AAK1: variants seen among roughly 807,000 people sequenced by gnomAD.
AAK1 encodes the protein AP2 associated kinase 1, also known as AP2-associated protein kinase 1.
AAK1 carries 37 observed loss-of-function variants against 116.0 expected under a neutral mutation model. The ratio of observed to expected loss-of-function variants is 0.32; its 90% CI spans 0.25 to 0.42. AAK1 has a LOEUF of 0.42. AAK1 is among the 10% of genes least tolerant of loss of function. AAK1 has a pLI of 1.00. For missense variants in AAK1, 919 were observed against 1,170.6 expected (o/e 0.79, Z 3.14); for synonymous variants, 458 against 439.9 (o/e 1.04, Z -0.51).
At chr2:69,606,705 A>AT (rs1673812898) in intron 2 of AAK1, among the ~76,000 whole-genome samples, 1 of 152,180 alleles carries the variant, frequency 6.6e-6, no homozygotes, top group South Asian at 2.1e-4. Flanking sequence ...ACTGACACAA[A>AT]TATCTGCCCT....
In AAK1 at chr2:69,643,083, AG is replaced by A; in HGVS notation, c.-44del. ...GCAAAGCAAAATACCGATGGTTTCTAGATTTTTTTTTTTTTTTTTTTTTTTT... is the reference window on the plus strand; with the variant it reads ...GCAAAGCAAAATACCGATGGTTTCTAATTTTTTTTTTTTTTTTTTTTTTTT... On this transcript the variant is annotated 5_prime_UTR_variant, in exon 2 of 22. Transcript: ENST00000409085. 2 of 1,258,450 alleles carry A rather than the reference AG, an allele frequency of 1.6e-6. No individual in the cohort carries two copies. The highest frequency in any genetic ancestry group is 3.1e-5 in the East Asian group (1 of 32,268). 78.0% of individuals were successfully genotyped at this position (1,258,450 alleles called of 1,614,324 possible).
intron 2 of AAK1, among the ~76,000 whole-genome samples, chr2:69,635,563 G>A (rs1255032722): frequency 6.6e-6 from 1 of 152,188 alleles, no homozygotes; most frequent in African/African-American, 2.4e-5. Flanking sequence ...ACTGATGAAT[G>A]ATACATGTGG....
At chr2:69,616,766 T>A (rs932624521) in intron 2 of AAK1, among the ~76,000 whole-genome samples, 1 of 152,224 alleles carries the variant, frequency 6.6e-6, no homozygotes, top group African/African-American at 2.4e-5. Flanking sequence ...AAAAGGGCTC[T>A]CTAGCAATTA....
At position 69,472,361 on chromosome 2, in the gene AAK1, A is replaced by G. The variant is rs983208749; in HGVS notation, c.*3508T>C. Reference sequence around the variant, plus strand: ...GCTTTCTCAAAGTGATACTAATTAAATAATATAGCTGATTTTCTTATACCT... The same window carrying G: ...GCTTTCTCAAAGTGATACTAATTAAGTAATATAGCTGATTTTCTTATACCT... On this transcript the variant is annotated 3_prime_UTR_variant, in exon 22 of 22. Transcript: ENST00000409085. 8.8e-6 allele frequency: 2 copies of G among 226,316 alleles called. No homozygotes were observed. 14.0% of individuals were successfully genotyped at this position (226,316 alleles called of 1,614,324 possible).
intron 2 of AAK1, among the ~76,000 whole-genome samples, chr2:69,621,270 G>A (rs1674610146): frequency 6.6e-6 from 1 of 152,210 alleles, no homozygotes; most frequent in Non-Finnish European, 1.5e-5. Context: ...GAGGTCGGGA[G>A]TTCGAGACCA....
intron 2 of AAK1, among the ~76,000 whole-genome samples, chr2:69,558,372 G>A (rs1671483232): frequency 2.0e-5 from 3 of 151,664 alleles, no homozygotes; most frequent in East Asian, 3.9e-4. Context: ...TAACTCTACA[G>A]GAATTCTCAA....
intron 5 of AAK1, among the ~76,000 whole-genome samples, chr2:69,533,841 C>A (rs909776359): frequency 1.3e-5 from 2 of 152,176 alleles, no homozygotes; most frequent in Non-Finnish European, 2.9e-5. Flanking sequence ...ATGAACAATT[C>A]TTAAGCATAG....
intron 2 of AAK1, among the ~76,000 whole-genome samples, chr2:69,566,547 A>G (rs1671878604): frequency 1.3e-5 from 2 of 152,182 alleles, no homozygotes; most frequent in African/African-American, 4.8e-5. Context: ...GAGGTGGTAC[A>G]GAAACATCAA....
chr2:69,551,599 G>A (rs1269760254), intron 3 of AAK1, among the ~76,000 whole-genome samples: 1 of 152,228 alleles, frequency 6.6e-6, no homozygotes, highest in South Asian at 2.1e-4. Context: ...CAATGAGGAT[G>A]TAATCCATCT....
intron 15 of AAK1, among the ~76,000 whole-genome samples, chr2:69,506,567 G>A (rs1430682025): frequency 6.6e-6 from 1 of 152,120 alleles, no homozygotes; most frequent in Non-Finnish European, 1.5e-5. Flanking sequence ...ATCTTGGCAT[G>A]TTGCCCAGGC....
intron 2 of AAK1, among the ~76,000 whole-genome samples, chr2:69,615,405 C>T (rs190405633): frequency 6.6e-6 from 1 of 152,256 alleles, no homozygotes; most frequent in East Asian, 1.9e-4. Context: ...ATGGAAATAC[C>T]ATTCCCATCT....
Position 69,473,492 on chromosome 2 carries a change from C to A in AAK1, c.*2377G>T, listed in dbSNP as rs912870338. On this transcript the variant is annotated 3_prime_UTR_variant, in exon 22 of 22. Coordinates refer to ENST00000409085, the MANE Select transcript of AAK1 (RefSeq NM_014911.5). ...GGCCTTACTCTAAATAAGCCCAAGA[C>A]AATTTCTTGTCATTATCTCCCTTAG... is the stretch of plus-strand genomic sequence containing the variant. 9.1e-6 allele frequency: 9 copies of A among 985,314 alleles called. No individual in the cohort carries two copies. The East Asian group carries it at 4.5e-4, about 50-fold the overall frequency. The allele number at this position is 985,314 out of a possible 1,614,324, so 61.0% of individuals were successfully genotyped here.
intron 2 of AAK1, among the ~76,000 whole-genome samples, chr2:69,634,971 T>C (rs1675383815): frequency 6.6e-6 from 1 of 152,118 alleles, no homozygotes; most frequent in Non-Finnish European, 1.5e-5. Context: ...AAATAAAAGA[T>C]CCTCTATTTT....
At chr2:69,483,926 C>A (rs1675192002) in intron 17 of AAK1, among the ~76,000 whole-genome samples, 1 of 152,290 alleles carries the variant, frequency 6.6e-6, no homozygotes, top group African/African-American at 2.4e-5. Context: ...CAAGAACCCT[C>A]TATTTACCTT....
At chr2:69,615,836 G>A (rs2105226706) in intron 2 of AAK1, among the ~76,000 whole-genome samples, 1 of 152,330 alleles carries the variant, frequency 6.6e-6, no homozygotes, top group East Asian at 1.9e-4. Flanking sequence ...CATAATTTAT[G>A]CAGTGCTTTC....
intron 2 of AAK1, among the ~76,000 whole-genome samples, chr2:69,570,742 T>C (rs2105117576): frequency 6.6e-6 from 1 of 152,330 alleles, no homozygotes; most frequent in African/African-American, 2.4e-5. Flanking sequence ...TCCAATCATG[T>C]TGCTTCCCTA....
chr2:69,642,751 A>G (rs887227452), intron 2 of AAK1, 127 bp downstream of exon 2: 33 of 1,302,920 alleles, frequency 2.5e-5, no homozygotes, highest in Non-Finnish European at 3.4e-5. Flanking sequence ...AATGACTCAC[A>G]GGGCAAGTGA....
chr2:69,534,848 G>A (rs1670396199), intron 5 of AAK1, among the ~76,000 whole-genome samples: 1 of 152,168 alleles, frequency 6.6e-6, no homozygotes, highest in African/African-American at 2.4e-5. Flanking sequence ...AATAATCACT[G>A]ATAATCATTT....
chr2:69,560,076 C>A (rs148169930), intron 2 of AAK1, among the ~76,000 whole-genome samples: 2 of 152,322 alleles, frequency 1.3e-5, no homozygotes, highest in South Asian at 2.1e-4. Context: ...GATGAAGCCA[C>A]ATTGTCAAGC....
Sources: gnomAD v4.1 joint callset for allele counts (sites outside exome capture counted in the v4.1 genomes callset) on GRCh38, gnomAD v4.1.1 for gene constraint, MANE v1.5 for transcripts, NCBI Gene and HGNC (gene_info 2026-07-23, HGNC 2026-07-21) for gene names.